Variants in USP1 observed in about 807,000 individuals in gnomAD.
USP1 encodes the protein ubiquitin specific peptidase 1.
Under a neutral mutation model 72.2 loss-of-function variants are expected in USP1, and 18 were observed. That is an observed-to-expected ratio of 0.25 (90% CI 0.17 to 0.37). The LOEUF (loss-of-function observed/expected upper bound fraction) is 0.37. USP1 is among the 10% of genes least tolerant of loss of function. The pLI, the probability that USP1 is intolerant of heterozygous loss-of-function variation, is 1.00. For missense variants in USP1, 759 were observed against 884.9 expected (o/e 0.86, Z 1.81); for synonymous variants, 354 against 303.7 (o/e 1.17, Z -1.72).
intron 5 of USP1, among the ~76,000 whole-genome samples, chr1:62,444,099 A>C (rs904226940): frequency 4.6e-5 from 7 of 151,888 alleles, no homozygotes; most frequent in Non-Finnish European, 8.8e-5. Context: ...CCCCTACTAA[A>C]AATACAAAAA....
intron 7 of USP1, among the ~76,000 whole-genome samples, chr1:62,448,220 AACAG>A (rs1645189865): frequency 6.6e-6 from 1 of 152,226 alleles, no homozygotes; most frequent in African/African-American, 2.4e-5. Context: ...ATTAAATGTA[AACAG>A]ACTAGGCTTA....
At chr1:62,445,626 ATATG>A (rs1645166572) in intron 6 of USP1, among the ~76,000 whole-genome samples, 197 bp downstream of exon 6, 1 of 122,466 alleles carries the variant, frequency 8.2e-6, no homozygotes, top group Admixed American at 7.8e-5. Context: ...GTATGCATAT[ATATG>A]TGTGTGTGTG....
chr1:62,441,593 T>A lies in USP1; in HGVS notation c.276T>A (p.Leu92=). ...GLNNLGNTCY[L]NSILQVLYFC... ...ATAATCTCGGCAATACTTGCTATCTTAATAGTATACTTCAGGTAAATTGAC... is the reference window on the plus strand; with the variant it reads ...ATAATCTCGGCAATACTTGCTATCTAAATAGTATACTTCAGGTAAATTGAC... Residue 92 remains leucine, a synonymous_variant, in exon 3 of 9, where the codon CTT becomes CTA. Coordinates refer to ENST00000339950, the MANE Select transcript of USP1 (RefSeq NM_003368.5). 3 of 1,610,630 alleles carry A rather than the reference T, an allele frequency of 1.9e-6. No homozygotes were observed. The highest frequency in any genetic ancestry group is 2.5e-6 in the Non-Finnish European group (3 of 1,179,062).
At chr1:62,449,419 T>C (rs769839538) in intron 8 of USP1, among the ~76,000 whole-genome samples, 41 of 152,326 alleles carry the variant, frequency 2.7e-4, no homozygotes, top group Non-Finnish European at 3.2e-4. Context: ...ACATGTGTAA[T>C]GTCATTGTAT....
chr1:62,442,809 C>G (rs1339391859), intron 4 of USP1, among the ~76,000 whole-genome samples: 2 of 151,950 alleles, frequency 1.3e-5, no homozygotes, highest in African/African-American at 4.8e-5. Flanking sequence ...TTGAGACCAG[C>G]CTGGGTAACA....
chr1:62,450,191 CAT>C, intron 8 of USP1, 53 bp from the exon 9 acceptor site: 2 of 1,547,130 alleles, frequency 1.3e-6, no homozygotes, highest in Non-Finnish European at 1.7e-6. Flanking sequence ...TGGGGTATAA[CAT>C]TTTGAATTTA....
chr1:62,447,887 T>C (rs577322245), intron 7 of USP1, among the ~76,000 whole-genome samples: 59 of 152,182 alleles, frequency 3.9e-4, no homozygotes, highest in South Asian at 1.5e-3. Context: ...TCTGGGTTCA[T>C]GCCATTCTCC....
At chr1:62,439,071 CT>C (rs1371572626) in intron 1 of USP1, among the ~76,000 whole-genome samples, 1 of 152,190 alleles carries the variant, frequency 6.6e-6, no homozygotes, top group Non-Finnish European at 1.5e-5. Context: ...GAAGAGAGGA[CT>C]CATCGTCCAG....
intron 1 of USP1, among the ~76,000 whole-genome samples, chr1:62,438,378 G>A (rs1237762072): frequency 1.3e-5 from 2 of 152,150 alleles, no homozygotes; most frequent in Non-Finnish European, 2.9e-5. Context: ...AGGTAGACAG[G>A]AGAGTAAGTG....
Position 62,445,155 on chromosome 1 carries a change from T to A in USP1, c.975T>A (p.Asn325Lys). Residue 325 changes from asparagine (N) to lysine (K), a missense_variant, in exon 6 of 9, where the codon AAT becomes AAA. This residue lies in a region of USP1 where 245 missense variants were observed against 240.7 expected (regional missense o/e 1.02). Transcript: ENST00000339950. ...TAATTCCCAAGTATATTTCTGAAAA[T>A]GAGAGTCCAAGACCCTCACAAAAGA... Reference protein sequence around the residue: ...PKIIPKYISENESPRPSQKKS... With the variant: ...PKIIPKYISEKESPRPSQKKS... 6.2e-7 allele frequency: 1 copy of A among 1,613,266 alleles called. No homozygotes were observed. The highest frequency in any genetic ancestry group is 8.5e-7 in the Non-Finnish European group (1 of 1,179,836).
rs772754219 is a variant in USP1 at position 62,445,279 on chromosome 1, G to A, written c.1099G>A (p.Val367Ile). ...SLGKITTNQG[V>I]KGQSKENECD... ...GGGAAAAATAACAACAAACCAAGGA[G>A]TCAAAGGACAATCTAAAGAAAATGA... Residue 367 changes from valine to isoleucine, a missense_variant, in exon 6 of 9, where the codon GTC (valine) becomes ATC (isoleucine). By Grantham distance (29) the Val-to-Ile change is conservative (BLOSUM62 3). This residue lies in a region of USP1 where 245 missense variants were observed against 240.7 expected (regional missense o/e 1.02). Transcript: ENST00000339950. 1 of 1,613,634 alleles carries A rather than the reference G, an allele frequency of 6.2e-7. No homozygotes were observed. Among genetic ancestry groups the A allele is most frequent in the South Asian group, 1.1e-5 (1 of 90,930 alleles).
At chr1:62,442,534 A>C (rs928182268) in intron 4 of USP1, among the ~76,000 whole-genome samples, 1 of 152,158 alleles carries the variant, frequency 6.6e-6, no homozygotes, top group South Asian at 2.1e-4. Flanking sequence ...TGTATACTAT[A>C]TATTACTGTA....
chr1:62,447,896 C>T (rs997229426), intron 7 of USP1, among the ~76,000 whole-genome samples: 2 of 152,128 alleles, frequency 1.3e-5, no homozygotes, highest in East Asian at 1.9e-4. Flanking sequence ...ATGCCATTCT[C>T]CTGCCTCAGC....
At chr1:62,442,159 T>C in intron 3 of USP1, 36 bp from the exon 4 acceptor site, 1 of 1,366,318 alleles carries the variant, frequency 7.3e-7, no homozygotes, top group Non-Finnish European at 1.0e-6. Context: ...GTATTGTTTG[T>C]TCAGTAAACA....
rs200548468 is a variant in USP1 at position 62,450,941 on chromosome 1, C to T, written c.2318C>T (p.Pro773Leu). 1 of 1,608,602 alleles carries T rather than the reference C, an allele frequency of 6.2e-7. No homozygotes were observed. Among genetic ancestry groups the T allele is most frequent in the Admixed American group, 1.7e-5 (1 of 58,758 alleles). Reference sequence around the variant, plus strand: ...AATTCTCTTTCCCCTTCTACATCTCCTACTTCTACTCCTTACTTGCTATTT... The same window carrying T: ...AATTCTCTTTCCCCTTCTACATCTCTTACTTCTACTCCTTACTTGCTATTT... ...FLNSLSPSTS[P>L]TSTPYLLFYK... is the part of the protein sequence containing the mutation. The change falls in exon 9 of 9, where the codon CCT becomes CTT. Residue 773 changes from proline (P) to leucine (L), a missense_variant. Pro to Leu is a moderately conservative substitution (Grantham distance 98, BLOSUM62 -3). Around this residue, in one of 9 missense-constraint regions of USP1, gnomAD observed 22 missense variants for 23.4 expected, o/e 0.94. Coordinates refer to ENST00000339950, the MANE Select transcript of USP1 (RefSeq NM_003368.5).
At chr1:62,438,608 T>A (rs900907814) in intron 1 of USP1, among the ~76,000 whole-genome samples, 1 of 152,218 alleles carries the variant, frequency 6.6e-6, no homozygotes, top group African/African-American at 2.4e-5. Flanking sequence ...GGGCTTTAAG[T>A]AATTTTATGG....
At chr1:62,441,748 A>G in intron 3 of USP1, 140 bp downstream of exon 3, 5 of 1,027,918 alleles carry the variant, frequency 4.9e-6, no homozygotes, top group Non-Finnish European at 6.7e-6. Context: ...ATAGGCTAAA[A>G]TAATAAGTTA....
In USP1 at chr1:62,448,592, A is replaced by C. The variant is rs1288573107; in HGVS notation, c.1548A>C (p.Glu516Asp). The C allele has an allele frequency of 1.9e-6, 3 of 1,613,918 alleles. No individual in the cohort carries two copies. Among genetic ancestry groups the C allele is most frequent in the Non-Finnish European group, 2.5e-6 (3 of 1,179,942 alleles). Residue 516 changes from glutamate (E) to aspartate (D), a missense_variant, in exon 8 of 9, where the codon GAA (glutamate) becomes GAC (aspartate). Coordinates refer to ENST00000339950, the MANE Select transcript of USP1 (RefSeq NM_003368.5). ...ACTGCCATCATTATACTGAAGCTGA[A>C]CGAAGTCTTTTGTTTGACAAAATGC... ...CENCHHYTEA[E>D]RSLLFDKMPE...
chr1:62,450,538 TATA>T lies in USP1; in HGVS notation c.1918_1920del (p.Asn640del), dbSNP rs768030026. 6 of 1,613,920 alleles carry T rather than the reference TATA, an allele frequency of 3.7e-6. No individual in the cohort carries two copies. Among genetic ancestry groups the T allele is most frequent in the Non-Finnish European group, 4.2e-6 (5 of 1,180,016 alleles). ...GGAAGCAAGGGGTGTGGTTGAGAAT[TATA>T]ATGATGAAGAAGTGTCAATTAGAGT... is the stretch of plus-strand genomic sequence containing the variant. On this transcript the variant is annotated inframe_deletion, in exon 9 of 9. Coordinates refer to ENST00000339950, the MANE Select transcript of USP1 (RefSeq NM_003368.5).
Sources: gnomAD v4.1 joint callset for allele counts (sites outside exome capture counted in the v4.1 genomes callset) on GRCh38, gnomAD v4.1.1 for gene constraint, gnomAD v4.1.1 regional missense constraint, MANE v1.5 for transcripts, NCBI Gene and HGNC (gene_info 2026-07-23, HGNC 2026-07-21) for gene names.